The following CCDC63 variants were observed in gnomAD, a reference collection of about 807,000 sequenced individuals.
CCDC63 encodes coiled-coil domain-containing protein 63.
CCDC63 carries 54 observed loss-of-function variants against 63.6 expected under a neutral mutation model. That is an observed-to-expected ratio of 0.85 (90% CI 0.68 to 1.07). The LOEUF is 1.07. Among genes scored for constraint, CCDC63 ranks in the 50% least tolerant of loss-of-function variants. The pLI is 0.00. For missense variants in CCDC63, 637 were observed against 689.6 expected, an observed-to-expected ratio of 0.92 and a Z score of 0.86; for synonymous variants, 253 against 266.1, an observed-to-expected ratio of 0.95 and a Z score of 0.48.
chr12:110,904,887 T>A (rs1163988861), intron 11 of CCDC63, 96 bp downstream of exon 11: 4 of 978,524 alleles, frequency 4.1e-6, no homozygotes, highest in Non-Finnish European at 4.5e-6. Flanking sequence ...GGGTCTGCAG[T>A]GTTGAACCTC....
At chr12:110,885,544 A>C (rs1593681966) in intron 8 of CCDC63, among the ~76,000 whole-genome samples, 1 of 151,978 alleles carries the variant, frequency 6.6e-6, no homozygotes, top group Non-Finnish European at 1.5e-5. Flanking sequence ...TCCTGTTATG[A>C]CCTCCAAGAC....
chr12:110,882,987 C>A (rs563964785), intron 7 of CCDC63, among the ~76,000 whole-genome samples: 1 of 152,018 alleles, frequency 6.6e-6, no homozygotes, highest in Admixed American at 6.6e-5. Context: ...TTTGCCCTCC[C>A]GAGTAGCTAG....
rs901158885 is a variant in CCDC63, at chr12:110,907,203, C to G, written c.1547-128C>G. The G allele has an allele frequency of 6.1e-6, 5 of 819,660 alleles. No individual in the cohort carries two copies. The African/African-American group carries it at 8.6e-5, about 14-fold the overall frequency. 50.8% of individuals were successfully genotyped at this position (819,660 alleles called of 1,614,324 possible). ...CAAGAAGTATATTTCTGTTCATTCT[C>G]CCCCTCCTTGAAACCTGAGAATTTC... On this transcript the variant is annotated intron_variant, in intron 11 of 11. Transcript: ENST00000308208. The surrounding 1 kb of genome is among the most constrained non-coding windows in gnomAD (Gnocchi z 4.4).
intron 4 of CCDC63, among the ~76,000 whole-genome samples, chr12:110,862,662 G>A (rs1478779188): frequency 1.3e-5 from 2 of 152,252 alleles, no homozygotes; most frequent in South Asian, 2.1e-4. Flanking sequence ...TCTAGTGGGG[G>A]CGGGCCTGCC....
At chr12:110,906,662 GCA>G (rs140510169) in intron 11 of CCDC63, among the ~76,000 whole-genome samples, 2 of 151,692 alleles carry the variant, frequency 1.3e-5, no homozygotes, top group Non-Finnish European at 2.9e-5. Flanking sequence ...CACAACACAT[GCA>G]CACACACACG....
chr12:110,859,915 C>T (rs2070830902), intron 4 of CCDC63, among the ~76,000 whole-genome samples: 1 of 152,026 alleles, frequency 6.6e-6, no homozygotes, highest in Non-Finnish European at 1.5e-5. Flanking sequence ...CCCACCCCTT[C>T]CCCCACTCCC....
chr12:110,890,524 A>G (rs1004586623), intron 8 of CCDC63, among the ~76,000 whole-genome samples: 3 of 152,158 alleles, frequency 2.0e-5, no homozygotes, highest in East Asian at 3.8e-4. Flanking sequence ...AGAAAAACAT[A>G]AAGAAAAAGT....
At chr12:110,888,768 CT>C (rs888287362) in intron 8 of CCDC63, among the ~76,000 whole-genome samples, 17 of 151,052 alleles carry the variant, frequency 1.1e-4, no homozygotes, top group African/African-American at 1.7e-4. Context: ...CAACTTCCAA[CT>C]TTTTTTTTGG....
rs1023394316 is a variant in CCDC63 at position 110,889,504 on chromosome 12, G to C, written c.1075-3572G>C. Among the ~76,000 whole-genome samples, 3 of 152,220 alleles carry C rather than the reference G, an allele frequency of 2.0e-5. No homozygotes were observed. The highest frequency in any genetic ancestry group is 3.9e-4 in the East Asian group (2 of 5,178). Reference sequence around the variant, plus strand: ...GCTGTCCAGATCTCTGGGGAAGAACGCTCCAGGCAGAGGAAACAGCAACAG... The same window carrying C: ...GCTGTCCAGATCTCTGGGGAAGAACCCTCCAGGCAGAGGAAACAGCAACAG... On this transcript the variant is annotated intron_variant, in intron 8 of 11. Coordinates refer to ENST00000308208, the MANE Select transcript of CCDC63 (RefSeq NM_152591.3). The surrounding 1 kb of genome is among the most constrained non-coding windows in gnomAD (Gnocchi z 4.1).
intron 8 of CCDC63, among the ~76,000 whole-genome samples, chr12:110,886,111 G>C (rs982845277): frequency 1.3e-5 from 2 of 152,164 alleles, no homozygotes; most frequent in Non-Finnish European, 2.9e-5. Context: ...AATTGGCCAG[G>C]CACAGTGGCT....
intron 8 of CCDC63, 87 bp from the exon 9 acceptor site, chr12:110,892,989 C>T (rs1311554823): frequency 1.2e-5 from 12 of 1,020,074 alleles, no homozygotes; most frequent in Admixed American, 6.0e-5. Context: ...AAATCCTCAT[C>T]GACTCTTTGA....
At chr12:110,873,762 A>G in intron 4 of CCDC63, 80 bp from the exon 5 acceptor site, 2 of 1,537,996 alleles carry the variant, frequency 1.3e-6, no homozygotes, top group South Asian at 2.4e-5. Flanking sequence ...ATCTGAGCAC[A>G]CTTCAGTTAG....
chr12:110,876,622 A>G (rs1479554923), intron 5 of CCDC63, among the ~76,000 whole-genome samples: 1 of 150,444 alleles, frequency 6.6e-6, no homozygotes, highest in Non-Finnish European at 1.5e-5. Flanking sequence ...TACTTTGAAA[A>G]CCTCCAGTGA....
At chr12:110,871,674 G>A (rs1300112714) in intron 4 of CCDC63, among the ~76,000 whole-genome samples, 3 of 151,416 alleles carry the variant, frequency 2.0e-5, no homozygotes, top group Admixed American at 6.6e-5. Context: ...AGGTGCACGC[G>A]TCTTAAGGAT....
At chr12:110,844,973 G>C (rs894837908), upstream of CCDC63, among the ~76,000 whole-genome samples, 6 of 152,110 alleles carry the variant, frequency 3.9e-5, no homozygotes, top group African/African-American at 1.4e-4. Flanking sequence ...CTGTGTTCTG[G>C]AGGCTCTGCT....
intron 3 of CCDC63, among the ~76,000 whole-genome samples, chr12:110,855,814 C>G (rs2070762758): frequency 6.6e-6 from 1 of 152,162 alleles, no homozygotes; most frequent in Non-Finnish European, 1.5e-5. Flanking sequence ...CTCCTGACCT[C>G]AGGTGATCCA....
chr12:110,902,437 C>G (rs991473193), intron 10 of CCDC63, among the ~76,000 whole-genome samples: 5 of 152,140 alleles, frequency 3.3e-5, no homozygotes, highest in African/African-American at 1.2e-4. Flanking sequence ...TTGTTCCTAC[C>G]TTGGGGCCTT....
intron 4 of CCDC63, among the ~76,000 whole-genome samples, chr12:110,867,404 C>T (rs1475114344): frequency 5.2e-4 from 65 of 124,716 alleles, no homozygotes; most frequent in African/African-American, 1.9e-3. Flanking sequence ...GGGGGGCTGA[C>T]CCCCCCATCT....
intron 4 of CCDC63, among the ~76,000 whole-genome samples, chr12:110,867,724 C>G (rs1354333158): frequency 1.7e-5 from 2 of 119,088 alleles, no homozygotes; most frequent in African/African-American, 3.6e-5. Context: ...ACCTCCCTCC[C>G]GGACAGGGCG....
Sources: allele counts gnomAD v4.1 joint callset (sites outside exome capture counted in the v4.1 genomes callset), GRCh38; gene constraint gnomAD v4.1.1; non-coding constraint Gnocchi (gnomAD v3.1); transcripts MANE v1.5; gene names NCBI Gene and HGNC (gene_info 2026-07-23, HGNC 2026-07-21).